MALRD1: variants seen among roughly 807,000 people sequenced by gnomAD.
MALRD1 encodes the protein MAM and LDL receptor class A domain containing 1.
MALRD1 carries 247 observed loss-of-function variants against 242.1 expected under a neutral mutation model. The ratio of observed to expected loss-of-function variants is 1.02; its 90% CI spans 0.92 to 1.13. MALRD1 has a LOEUF of 1.13. MALRD1 is among the 50% of genes most tolerant of loss of function. The pLI is 0.00. For synonymous variants in MALRD1, 995 were observed against 866.6 expected, an observed-to-expected ratio of 1.15 and a Z score of -2.60; for missense variants, 2,989 against 2,533.1, an observed-to-expected ratio of 1.18 and a Z score of -3.86.
intron 36 of MALRD1, among the ~76,000 whole-genome samples, chr10:19,645,377 G>T (rs1840604989): frequency 6.6e-6 from 1 of 152,076 alleles, no homozygotes; most frequent in Non-Finnish European, 1.5e-5. Context: ...CCCATTACTG[G>T]GTATATACCC....
intron 36 of MALRD1, among the ~76,000 whole-genome samples, chr10:19,639,650 T>C (rs1349087267): frequency 1.3e-5 from 2 of 152,154 alleles, no homozygotes; most frequent in African/African-American, 2.4e-5. Context: ...AATGATTTTA[T>C]TGAGAGAGGA....
At chr10:19,636,819 A>G (rs1384700355) in intron 36 of MALRD1, among the ~76,000 whole-genome samples, 2 of 150,400 alleles carry the variant, frequency 1.3e-5, no homozygotes, top group African/African-American at 4.9e-5. Context: ...GAATCACTTG[A>G]GCCTGGGAGG....
chr10:19,465,533 T>G (rs571442559), intron 29 of MALRD1, among the ~76,000 whole-genome samples: 23 of 152,260 alleles, frequency 1.5e-4, no homozygotes, highest in Middle Eastern at 3.4e-3. Context: ...TGGAGTCTTT[T>G]TAAAAAATTT....
At chr10:19,081,460 TGCAGGGAC>T (rs987342567) in intron 2 of MALRD1, among the ~76,000 whole-genome samples, 12 of 152,234 alleles carry the variant, frequency 7.9e-5, no homozygotes, top group Admixed American at 2.0e-4. Flanking sequence ...TCATGTCCTT[TGCAGGGAC>T]ACGGATAAAG....
At chr10:19,601,380 A>G (rs533548990) in intron 34 of MALRD1, among the ~76,000 whole-genome samples, 1 of 152,100 alleles carries the variant, frequency 6.6e-6, no homozygotes, top group Non-Finnish European at 1.5e-5. Context: ...GGCTCAGATT[A>G]TTTTCCTATA....
At chr10:19,674,074 T>G (rs2358472) in intron 36 of MALRD1, among the ~76,000 whole-genome samples, 18,168 of 152,020 alleles carry the variant, frequency 0.12, 1,847 homozygotes, top group African/African-American at 0.28. Flanking sequence ...TCTGAGAGGG[T>G]ATAATTTGAG....
At position 19,313,988 on chromosome 10, in the gene MALRD1, T is replaced by C. The variant is rs148586214; in HGVS notation, c.3420-9961T>C. On this transcript the variant is annotated intron_variant, in intron 21 of 39. Coordinates refer to ENST00000454679, the MANE Select transcript of MALRD1 (RefSeq NM_001142308.3). The stretch of plus-strand genomic sequence containing the variant: ...GAAATCTAAAAGCACTCTGATAAAA[T>C]TGTAAGTGTATTTTCAAAATCAAGA... Among the ~76,000 whole-genome samples the C allele has an allele frequency of 7.9e-5, 12 of 151,662 alleles. No individual in the cohort carries two copies. The East Asian group carries it at 2.1e-3, about 27-fold the overall frequency.
At chr10:19,659,317 C>A (rs1183695296) in intron 36 of MALRD1, among the ~76,000 whole-genome samples, 1 of 152,056 alleles carries the variant, frequency 6.6e-6, no homozygotes, top group African/African-American at 2.4e-5. Flanking sequence ...GTAAGACTTA[C>A]AATAGTCCTG....
intron 36 of MALRD1, among the ~76,000 whole-genome samples, chr10:19,651,759 T>A (rs534035884): frequency 7.3e-4 from 111 of 152,288 alleles, no homozygotes; most frequent in African/African-American, 2.2e-3. Flanking sequence ...GTAGAAAGAA[T>A]GCCATGAGAT....
At chr10:19,262,993 A>G (rs76247124) in intron 19 of MALRD1, among the ~76,000 whole-genome samples, 12,836 of 152,190 alleles carry the variant, frequency 0.084, 728 homozygotes, top group African/African-American at 0.16. Flanking sequence ...TAATGTTCCA[A>G]TGTACATATA....
chr10:19,102,507 A>G (rs1161520779), intron 4 of MALRD1, among the ~76,000 whole-genome samples: 1 of 152,198 alleles, frequency 6.6e-6, no homozygotes, highest in Admixed American at 6.6e-5. Flanking sequence ...GGGATGAAAG[A>G]ATTTCCCATA....
intron 26 of MALRD1, among the ~76,000 whole-genome samples, chr10:19,361,905 A>C (rs538363662): frequency 3.9e-5 from 6 of 152,230 alleles, no homozygotes; most frequent in Non-Finnish European, 4.4e-5. Context: ...TGGTTGTATA[A>C]ATTTTCTAGA....
chr10:19,143,160 A>G (rs1175111824), intron 10 of MALRD1, among the ~76,000 whole-genome samples: 3 of 152,262 alleles, frequency 2.0e-5, no homozygotes, highest in Non-Finnish European at 2.9e-5. Flanking sequence ...TTTAACCAAT[A>G]AAACATCTAG....
At chr10:19,514,377 CAT>C (rs1427311025) in intron 31 of MALRD1, among the ~76,000 whole-genome samples, 1 of 152,070 alleles carries the variant, frequency 6.6e-6, no homozygotes, top group Admixed American at 6.6e-5. Context: ...TGCCATTTAA[CAT>C]GTTAGATAAG....
chr10:19,121,724 G>A (rs549605931), intron 5 of MALRD1, among the ~76,000 whole-genome samples: 4 of 152,148 alleles, frequency 2.6e-5, no homozygotes, highest in South Asian at 4.2e-4. Context: ...GAGTTGACCC[G>A]CTCCTACAGG....
intron 24 of MALRD1, among the ~76,000 whole-genome samples, chr10:19,340,736 G>A (rs1001952722): frequency 1.3e-5 from 2 of 152,048 alleles, no homozygotes; most frequent in African/African-American, 2.4e-5. Context: ...TTAAACACAG[G>A]TTATTTCCCA....
chr10:19,697,396 G>A (rs1468284364), intron 38 of MALRD1, among the ~76,000 whole-genome samples: 7 of 103,938 alleles, frequency 6.7e-5, no homozygotes, highest in Non-Finnish European at 1.2e-4. Context: ...CCCCGCCCCC[G>A]CCCCCATTAT....
In MALRD1 at chr10:19,235,773, G is replaced by A. The variant is rs1044397520; in HGVS notation, c.2992-21911G>A. On this transcript the variant is annotated intron_variant, in intron 18 of 39. Transcript: ENST00000454679. ...GAAACAGGGATCATTCAGGATTCTG[G>A]TGGGAATAACAGGAGGAGCCATTAG... Among the ~76,000 whole-genome samples the A allele has an allele frequency of 4.6e-5, 7 of 152,218 alleles. No individual in the cohort carries two copies. The East Asian group carries it at 5.8e-4, about 13-fold the overall frequency.
intron 18 of MALRD1, among the ~76,000 whole-genome samples, chr10:19,216,999 C>T (rs1837349416): frequency 6.6e-6 from 1 of 151,790 alleles, no homozygotes; most frequent in Non-Finnish European, 1.5e-5. Context: ...GTGGAGAGGC[C>T]AAACCAATGG....
Sources: gnomAD v4.1 joint callset for allele counts (sites outside exome capture counted in the v4.1 genomes callset) on GRCh38, gnomAD v4.1.1 for gene constraint, MANE v1.5 for transcripts, NCBI Gene and HGNC (gene_info 2026-07-23, HGNC 2026-07-21) for gene names.